Variants in FAM53B observed in about 807,000 individuals in gnomAD.
FAM53B encodes protein FAM53B.
A neutral mutation model predicts 32.7 loss-of-function variants in FAM53B; 12 were observed. The observed-to-expected ratio is 0.37, with a 90% CI of 0.24 to 0.59. The LOEUF (loss-of-function observed/expected upper bound fraction) is 0.59, where lower values mean the gene tolerates loss of function less well. Ranked by LOEUF, FAM53B falls within the 20% of genes least tolerant of loss-of-function variation. FAM53B has a pLI of 0.72. For synonymous variants in FAM53B, 234 were observed against 228.7 expected (o/e 1.02, Z -0.21); for missense variants, 477 against 577.7 (o/e 0.83, Z 1.79).
intron 1 of FAM53B, among the ~76,000 whole-genome samples, 153 bp downstream of exon 1, chr10:124,743,860 G>A (rs1950215428): frequency 6.6e-6 from 1 of 151,454 alleles, no homozygotes; most frequent in Non-Finnish European, 1.5e-5. Flanking sequence ...AAGGAAACCA[G>A]CAACATTAGG....
chr10:124,650,688 C>T (rs1269286667), intron 4 of FAM53B, among the ~76,000 whole-genome samples: 1 of 152,184 alleles, frequency 6.6e-6, no homozygotes, highest in East Asian at 1.9e-4. Context: ...CACCTAATGC[C>T]TCCCAGAGTG....
chr10:124,735,975 A>T (rs1950171162), intron 1 of FAM53B, among the ~76,000 whole-genome samples: 1 of 152,208 alleles, frequency 6.6e-6, no homozygotes, highest in South Asian at 2.1e-4. Context: ...ACTCTGCCCA[A>T]AGTTCCTCTG....
chr10:124,657,546 TTC>T (rs1434620259), intron 4 of FAM53B, among the ~76,000 whole-genome samples: 1 of 152,220 alleles, frequency 6.6e-6, no homozygotes, highest in East Asian at 1.9e-4. Context: ...TAAATTTCTG[TTC>T]TTTTACATTT....
At chr10:124,657,102 A>G (rs1312925103) in intron 4 of FAM53B, among the ~76,000 whole-genome samples, 1 of 101,226 alleles carries the variant, frequency 9.9e-6, no homozygotes, top group African/African-American at 3.0e-5. Flanking sequence ...ATATATGTGT[A>G]TATATATGTG....
At chr10:124,697,692 C>A (rs1305354242) in intron 2 of FAM53B, among the ~76,000 whole-genome samples, 3 of 152,068 alleles carry the variant, frequency 2.0e-5, no homozygotes, top group African/African-American at 7.2e-5. Flanking sequence ...GAGGTCGGGG[C>A]AGCCTCCTGG....
chr10:124,650,313 T>C (rs954103225), intron 4 of FAM53B, among the ~76,000 whole-genome samples: 5 of 152,188 alleles, frequency 3.3e-5, no homozygotes, highest in Non-Finnish European at 5.9e-5. Flanking sequence ...TCGTCTACCC[T>C]GAATCTGAGA....
chr10:124,667,418 T>C (rs1207444677), intron 4 of FAM53B: 6 of 769,434 alleles, frequency 7.8e-6, no homozygotes, highest in Admixed American at 3.5e-5. Flanking sequence ...CTCATGGGGC[T>C]ATCTGGAGGA....
At position 124,629,242 on chromosome 10, in the gene FAM53B, T is replaced by C. The variant is rs779476456; in HGVS notation, c.907-5638A>G. On this transcript the variant is annotated intron_variant, in intron 4 of 4. Coordinates refer to ENST00000337318, the MANE Select transcript of FAM53B (RefSeq NM_014661.4). ...CTCCTCGGTTAGTCGGTGTCTTAAG[T>C]GTAGTGCCCACATGAGGCTTCCTCT... is the stretch of plus-strand genomic sequence containing the variant. Among the ~76,000 whole-genome samples, 6 of 152,198 alleles carry C rather than the reference T, an allele frequency of 3.9e-5. 1 individual carries two copies. In the South Asian group the frequency reaches 1.0e-3, roughly 26 times the overall value.
intron 4 of FAM53B, among the ~76,000 whole-genome samples, chr10:124,680,930 A>AACTCCAAGTTCATCT (rs1949766424): frequency 1.3e-5 from 2 of 152,202 alleles, no homozygotes; most frequent in African/African-American, 4.8e-5. Context: ...ACAGAGTATT[A>AACTCCAAGTTCATCT]ACTCCAAGTT....
chr10:124,735,937 C>T (rs1157828535), intron 1 of FAM53B, among the ~76,000 whole-genome samples: 1 of 152,208 alleles, frequency 6.6e-6, no homozygotes, highest in Non-Finnish European at 1.5e-5. Context: ...CTTTTGCCCT[C>T]GATGATACAG....
chr10:124,723,471 G>A (rs1021515229), intron 1 of FAM53B, among the ~76,000 whole-genome samples: 1 of 152,166 alleles, frequency 6.6e-6, no homozygotes, highest in African/African-American at 2.4e-5. Flanking sequence ...AAAACACAGT[G>A]ACCAGCACAA....
intron 4 of FAM53B, among the ~76,000 whole-genome samples, chr10:124,661,263 G>C (rs544422996): frequency 2.6e-5 from 4 of 152,204 alleles, no homozygotes; most frequent in African/African-American, 9.6e-5. Context: ...TTAAACGGAG[G>C]TGTGTCGCAT....
At chr10:124,684,774 C>T (rs961905916) in intron 3 of FAM53B, among the ~76,000 whole-genome samples, 1 of 152,178 alleles carries the variant, frequency 6.6e-6, no homozygotes, top group African/African-American at 2.4e-5. Flanking sequence ...CCACCTTGGC[C>T]TCCCAAAGTG....
intron 4 of FAM53B, among the ~76,000 whole-genome samples, chr10:124,677,446 G>A (rs1378811026): frequency 6.6e-6 from 1 of 152,264 alleles, no homozygotes; most frequent in Non-Finnish European, 1.5e-5. Context: ...CCGGGCTTGC[G>A]CAGGGATCGC....
rs1043056024 is a variant in FAM53B at position 124,620,007 on chromosome 10, G to A, written c.*3235C>T. On this transcript the variant is annotated 3_prime_UTR_variant, in exon 5 of 5. Transcript: ENST00000337318. Reference sequence around the variant, plus strand: ...ACGGCCACTCACGCCCCCGCACCAGGAGACCCATTTGGAAGTTAGTTAGGG... The same window carrying A: ...ACGGCCACTCACGCCCCCGCACCAGAAGACCCATTTGGAAGTTAGTTAGGG... The A allele has an allele frequency of 6.6e-6, 1 of 152,400 alleles. No homozygotes were observed. Among genetic ancestry groups the A allele is most frequent in the African/African-American group, 2.4e-5 (1 of 41,464 alleles). The allele number at this position is 152,400 out of a possible 1,614,324, so 9.4% of individuals were successfully genotyped here.
chr10:124,661,313 T>C (rs1949629875), intron 4 of FAM53B, among the ~76,000 whole-genome samples: 1 of 152,172 alleles, frequency 6.6e-6, no homozygotes, highest in African/African-American at 2.4e-5. Context: ...CTCTGTCCTC[T>C]GTGAGTGTTC....
chr10:124,663,964 C>A (rs1949649871), intron 4 of FAM53B, among the ~76,000 whole-genome samples: 1 of 152,032 alleles, frequency 6.6e-6, no homozygotes, highest in Non-Finnish European at 1.5e-5. Context: ...GTCAGTGTAC[C>A]CCATGAACAC....
chr10:124,638,058 G>A (rs1949445212), intron 4 of FAM53B, among the ~76,000 whole-genome samples: 1 of 152,180 alleles, frequency 6.6e-6, no homozygotes, highest in Non-Finnish European at 1.5e-5. Context: ...TCCATTTGGG[G>A]TGGGATCCTG....
At chr10:124,640,786 G>A (rs993401388) in intron 4 of FAM53B, among the ~76,000 whole-genome samples, 1 of 152,134 alleles carries the variant, frequency 6.6e-6, no homozygotes, top group African/African-American at 2.4e-5. Context: ...GTCTGAATCC[G>A]GGATCAGGCG....
Sources: gnomAD v4.1 joint callset for allele counts (sites outside exome capture counted in the v4.1 genomes callset) on GRCh38, gnomAD v4.1.1 for gene constraint, MANE v1.5 for transcripts, NCBI Gene and HGNC (gene_info 2026-07-23, HGNC 2026-07-21) for gene names.